MMP16: variants seen among roughly 807,000 people sequenced by gnomAD.
The protein encoded by MMP16 is matrix metallopeptidase 16.
Under a neutral mutation model 67.8 loss-of-function variants are expected in MMP16, and 12 were observed. The ratio of observed to expected loss-of-function variants is 0.18; its 90% CI spans 0.11 to 0.29. The LOEUF (loss-of-function observed/expected upper bound fraction) is 0.29. Ranked by LOEUF, MMP16 falls within the 10% of genes least tolerant of loss-of-function variation. MMP16 has a pLI of 1.00. For synonymous variants in MMP16, 249 were observed against 255.9 expected (o/e 0.97, Z 0.26); for missense variants, 475 against 765.7 (o/e 0.62, Z 4.48).
chr8:88,143,185 T>G (rs889269555), intron 4 of MMP16, among the ~76,000 whole-genome samples: 8 of 152,052 alleles, frequency 5.3e-5, no homozygotes, highest in Admixed American at 5.2e-4. Flanking sequence ...GGAAGGGTGG[T>G]GGTACTCAGA....
At chr8:88,220,620 C>T (rs1026526335) in intron 1 of MMP16, among the ~76,000 whole-genome samples, 15 of 152,010 alleles carry the variant, frequency 9.9e-5, no homozygotes, top group Non-Finnish European at 1.9e-4. Flanking sequence ...TGCCTAGGCA[C>T]ATTTATTCAT....
intron 1 of MMP16, among the ~76,000 whole-genome samples, chr8:88,232,889 C>T (rs1809883700): frequency 6.6e-6 from 1 of 152,108 alleles, no homozygotes; most frequent in African/African-American, 2.4e-5. Context: ...AAAACCCCAT[C>T]TTGAAAAATA....
At chr8:88,294,302 G>A (rs563580054) in intron 1 of MMP16, among the ~76,000 whole-genome samples, 1 of 149,434 alleles carries the variant, frequency 6.7e-6, no homozygotes, top group East Asian at 2.0e-4. Context: ...ATGTATATAT[G>A]TATATATGTA....
intron 4 of MMP16, among the ~76,000 whole-genome samples, chr8:88,164,672 T>A (rs929462176): frequency 6.6e-6 from 1 of 152,054 alleles, no homozygotes; most frequent in Non-Finnish European, 1.5e-5. Flanking sequence ...AGTGTTCTTG[T>A]TAGACAGGTA....
chr8:88,233,698 T>C (rs1434999544), intron 1 of MMP16, among the ~76,000 whole-genome samples: 4 of 152,238 alleles, frequency 2.6e-5, no homozygotes, highest in African/African-American at 9.6e-5. Context: ...CAGAGCTGCC[T>C]GCACAGTGTC....
chr8:88,237,372 G>C (rs554702089), intron 1 of MMP16, among the ~76,000 whole-genome samples: 1 of 152,164 alleles, frequency 6.6e-6, no homozygotes, highest in Admixed American at 6.5e-5. Flanking sequence ...CATCTTGGCC[G>C]GGCGCGGTGG....
rs547551299 is a variant in MMP16 at position 88,058,371 on chromosome 8, T to G, written c.1223-2093A>C. Reference sequence around the variant, plus strand: ...TCTTTGGCAAGAATTAATTGAATCATTCACTCAATAATTACTTAGTACATG... The same window carrying G: ...TCTTTGGCAAGAATTAATTGAATCAGTCACTCAATAATTACTTAGTACATG... On this transcript the variant is annotated intron_variant, in intron 7 of 9. Transcript: ENST00000286614. The surrounding 1 kb of genome is among the most constrained non-coding windows in gnomAD (Gnocchi z 4.2). Among the ~76,000 whole-genome samples the G allele has an allele frequency of 5.3e-5, 8 of 152,234 alleles. No homozygotes were observed. Among genetic ancestry groups the G allele is most frequent in the African/African-American group, 1.9e-4 (8 of 41,556 alleles).
chr8:88,204,199 G>GCAA (rs2129799427), intron 1 of MMP16, among the ~76,000 whole-genome samples: 1 of 152,210 alleles, frequency 6.6e-6, no homozygotes, highest in South Asian at 2.1e-4. Context: ...ATATAAAAAT[G>GCAA]CAACACCTTT....
chr8:88,192,406 G>A lies in MMP16; in HGVS notation c.281+4752C>T, dbSNP rs138466694. ...ATTAAGCCACTATGATCTTCAGTGT[G>A]AACACAATTTCAGTGTTAGCTCTAA... On this transcript the variant is annotated intron_variant, in intron 2 of 9. Coordinates refer to ENST00000286614, the MANE Select transcript of MMP16 (RefSeq NM_005941.5). Among the ~76,000 whole-genome samples the A allele has an allele frequency of 1.9e-4, 29 of 152,256 alleles. 2 individuals are homozygous for A. The highest frequency in any genetic ancestry group is 3.4e-3 in the Middle Eastern group (1 of 294).
intron 7 of MMP16, among the ~76,000 whole-genome samples, chr8:88,064,705 C>G (rs1009179539): frequency 6.6e-6 from 1 of 152,062 alleles, no homozygotes; most frequent in African/African-American, 2.4e-5. Context: ...ACAAGTAACA[C>G]TAATCTCTAT....
In MMP16 at chr8:88,327,173, A is replaced by G. The variant is rs750230081; in HGVS notation, c.34T>C (p.Leu12=). Residue 12 remains leucine (L), a synonymous_variant, in exon 1 of 10, where the codon TTG becomes CTG. Transcript: ENST00000286614. ...ACCCCCGAATGATGCACGAAATCCA[A>G]CCGTCTTCCAGTGCTGAATGTGAGT... The part of the protein sequence containing the change: ...ILLTFSTGRR[L]DFVHHSGVFF... 72 of 1,613,930 alleles carry G rather than the reference A, an allele frequency of 4.5e-5. No individual in the cohort carries two copies. Among genetic ancestry groups the G allele is most frequent in the Non-Finnish European group, 5.8e-5 (69 of 1,179,994 alleles).
At chr8:88,267,466 C>A (rs986508764) in intron 1 of MMP16, among the ~76,000 whole-genome samples, 6 of 152,218 alleles carry the variant, frequency 3.9e-5, no homozygotes, top group African/African-American at 1.4e-4. Context: ...ATTAATGTGC[C>A]TGCCTCCTCA....
intron 1 of MMP16, among the ~76,000 whole-genome samples, chr8:88,259,373 C>T (rs1188107338): frequency 1.3e-5 from 2 of 152,066 alleles, no homozygotes; most frequent in African/African-American, 2.4e-5. Flanking sequence ...AACAAAATGA[C>T]AATGTTCATA....
intron 1 of MMP16, among the ~76,000 whole-genome samples, chr8:88,314,044 T>C (rs1811340214): frequency 6.6e-6 from 1 of 152,164 alleles, no homozygotes; most frequent in African/African-American, 2.4e-5. Flanking sequence ...ATATCACATG[T>C]ATATTAGGTA....
At chr8:88,326,908 C>T in intron 1 of MMP16, 167 bp downstream of exon 1, 1 of 729,372 alleles carries the variant, frequency 1.4e-6, no homozygotes, top group East Asian at 2.9e-5. Flanking sequence ...TCACACGCAT[C>T]CGTCACCTAA....
chr8:88,115,782 AG>A (rs1308307880), intron 6 of MMP16, among the ~76,000 whole-genome samples: 4 of 152,004 alleles, frequency 2.6e-5, no homozygotes, highest in African/African-American at 7.2e-5. Context: ...ACAAATACTG[AG>A]GGGAAAACTA....
intron 6 of MMP16, among the ~76,000 whole-genome samples, chr8:88,077,752 C>A (rs1308301723): frequency 6.6e-6 from 1 of 152,044 alleles, no homozygotes; most frequent in Non-Finnish European, 1.5e-5. Context: ...GTTTTTTTCC[C>A]TGTTGTAGTT....
chr8:88,269,066 C>T (rs751453130), intron 1 of MMP16, among the ~76,000 whole-genome samples: 1 of 152,098 alleles, frequency 6.6e-6, no homozygotes, highest in African/African-American at 2.4e-5. Flanking sequence ...CAGTAAGAAG[C>T]CACTGCACTT....
chr8:88,314,850 A>T (rs1019005854), intron 1 of MMP16, among the ~76,000 whole-genome samples: 1 of 152,134 alleles, frequency 6.6e-6, no homozygotes, highest in Admixed American at 6.5e-5. Context: ...TGCTCTTTGC[A>T]GTTCTCTTCT....
Sources: gnomAD v4.1 joint callset for allele counts (sites outside exome capture counted in the v4.1 genomes callset) on GRCh38, gnomAD v4.1.1 for gene constraint, Gnocchi (gnomAD v3.1) non-coding constraint, MANE v1.5 for transcripts, NCBI Gene and HGNC (gene_info 2026-07-23, HGNC 2026-07-21) for gene names.